VASH2: variants seen among roughly 807,000 people sequenced by gnomAD.
The protein encoded by VASH2 is vasohibin 2.
VASH2 carries 28 observed loss-of-function variants against 37.2 expected under a neutral mutation model. The observed-to-expected ratio is 0.75, with a 90% confidence interval of 0.56 to 1.03. The LOEUF is 1.03. Ranked by LOEUF, VASH2 falls within the 50% of genes least tolerant of loss-of-function variation. VASH2 has a pLI of 0.00. For missense variants in VASH2, 419 were observed against 459.1 expected (o/e 0.91, Z 0.80); for synonymous variants, 188 against 174.7 (o/e 1.08, Z -0.60).
intron 7 of VASH2, among the ~76,000 whole-genome samples, chr1:212,986,621 C>T (rs1289098242): frequency 6.6e-6 from 1 of 152,148 alleles, no homozygotes; most frequent in East Asian, 1.9e-4. Context: ...CATCTGGGGG[C>T]CACTCCTCCA....
chr1:212,967,035 G>C, intron 5 of VASH2: 1 of 1,194,390 alleles, frequency 8.4e-7, no homozygotes, highest in South Asian at 1.3e-5. Context: ...AGGAGCCATC[G>C]CGCCTGGCTC....
At position 212,951,959 on chromosome 1, in the gene VASH2, C is replaced by T; in HGVS notation, c.276+141C>T. ...ACTCCCTTCCTCTCCCCATTCCTTC[C>T]TGCCAGCCCTTTTCTAATTGAGATA... On this transcript the variant is annotated intron_variant, in intron 2 of 7. Coordinates refer to ENST00000517399, the MANE Select transcript of VASH2 (RefSeq NM_001301056.2). This position sits in a 1 kb window ranked among gnomAD's most constrained non-coding sequence, Gnocchi z 4.4. The T allele has an allele frequency of 9.5e-7, 1 of 1,050,000 alleles. No homozygotes were observed. Among genetic ancestry groups the T allele is most frequent in the South Asian group, 1.7e-5 (1 of 58,416 alleles). 65.0% of individuals were successfully genotyped at this position (1,050,000 alleles called of 1,614,324 possible).
chr1:212,951,485 CGCCGCCGCT>C lies in VASH2; in HGVS notation c.-49_-41del, dbSNP rs1183701428. ...CCCGCGCGCACACGCCCCCCGCCGC[CGCCGCCGCT>C]GCCGCCGCCGCGCGCCCCCAGTACC... On this transcript the variant is annotated 5_prime_UTR_variant, in exon 2 of 8. Coordinates refer to ENST00000517399, the MANE Select transcript of VASH2 (RefSeq NM_001301056.2). This position sits in a 1 kb window ranked among gnomAD's most constrained non-coding sequence, Gnocchi z 4.4. 4.3e-6 allele frequency: 5 copies of C among 1,152,680 alleles called. No individual in the cohort carries two copies. The highest frequency in any genetic ancestry group is 9.3e-5 in the Admixed American group (2 of 21,416). 71.4% of individuals were successfully genotyped at this position (1,152,680 alleles called of 1,614,324 possible).
Position 212,988,781 on chromosome 1 carries a change from A to G in VASH2, c.*197A>G, listed in dbSNP as rs928537936. 1.7e-6 allele frequency: 1 copy of G among 601,272 alleles called. No individual in the cohort carries two copies. The highest frequency in any genetic ancestry group is 2.8e-5 in the Admixed American group (1 of 36,028). 37.2% of individuals were successfully genotyped at this position (601,272 alleles called of 1,614,324 possible). On this transcript the variant is annotated 3_prime_UTR_variant, in exon 8 of 8. Transcript: ENST00000517399. Reference sequence around the variant, plus strand: ...CTAAAAGGCACCATGAAAAGGCTGAAGTAATAAGCCCCACTGGGGTTGGAC... The same window carrying G: ...CTAAAAGGCACCATGAAAAGGCTGAGGTAATAAGCCCCACTGGGGTTGGAC...
intron 7 of VASH2, among the ~76,000 whole-genome samples, chr1:212,979,668 C>T (rs970872671): frequency 3.9e-5 from 6 of 152,100 alleles, no homozygotes; most frequent in South Asian, 2.1e-4. Flanking sequence ...AAGAATCAGC[C>T]GAGGGGGAGG....
intron 7 of VASH2, among the ~76,000 whole-genome samples, chr1:212,981,845 T>C (rs1313630115): frequency 6.6e-6 from 1 of 152,228 alleles, no homozygotes; most frequent in African/African-American, 2.4e-5. Context: ...TACACCCCTA[T>C]GCATGTTCAG....
intron 7 of VASH2, among the ~76,000 whole-genome samples, chr1:212,978,764 G>T (rs1203747386): frequency 2.0e-5 from 3 of 152,180 alleles, no homozygotes; most frequent in Non-Finnish European, 4.4e-5. Flanking sequence ...ACAGAGCCCA[G>T]TTGGCTTGTA....
chr1:212,967,565 C>T (rs892431145), intron 5 of VASH2: 1 of 520,162 alleles, frequency 1.9e-6, no homozygotes, highest in Non-Finnish European at 2.7e-6. Context: ...CAGATGAAAG[C>T]TCTGAAGCAG....
chr1:212,975,654 ACT>A (rs768865452), intron 7 of VASH2, among the ~76,000 whole-genome samples: 7 of 152,242 alleles, frequency 4.6e-5, no homozygotes, highest in Non-Finnish European at 7.4e-5. Context: ...GAACATAGAA[ACT>A]CTTCCCAGAG....
chr1:212,974,137 A>C, intron 7 of VASH2, 67 bp downstream of exon 7: 2 of 1,498,110 alleles, frequency 1.3e-6, no homozygotes, highest in African/African-American at 2.8e-5. Context: ...GTCCTGGCCC[A>C]TGGGGACAAA....
chr1:212,956,287 C>T (rs1017399478), intron 2 of VASH2, among the ~76,000 whole-genome samples: 9 of 152,208 alleles, frequency 5.9e-5, no homozygotes, highest in African/African-American at 2.2e-4. Flanking sequence ...TGTTCTTTCT[C>T]TTGAACACCA....
intron 7 of VASH2, among the ~76,000 whole-genome samples, chr1:212,977,182 AG>A (rs1470378608): frequency 1.6e-5 from 1 of 61,152 alleles, no homozygotes; most frequent in African/African-American, 1.0e-4. Flanking sequence ...GAGCTGATGC[AG>A]GCCAGATTCC....
At chr1:212,983,678 A>G (rs1419755985) in intron 7 of VASH2, among the ~76,000 whole-genome samples, 3 of 152,202 alleles carry the variant, frequency 2.0e-5, no homozygotes, top group African/African-American at 7.2e-5. Flanking sequence ...GATGGTAGGG[A>G]GTCAGAAAAT....
intron 3 of VASH2, among the ~76,000 whole-genome samples, chr1:212,962,489 C>T (rs1014498902): frequency 2.6e-5 from 4 of 152,186 alleles, no homozygotes; most frequent in Non-Finnish European, 5.9e-5. Flanking sequence ...TGCACACATG[C>T]CCCACATGTC....
At chr1:212,981,102 C>T (rs1360520548) in intron 7 of VASH2, among the ~76,000 whole-genome samples, 1 of 152,198 alleles carries the variant, frequency 6.6e-6, no homozygotes, top group Non-Finnish European at 1.5e-5. Flanking sequence ...GGGTTCTTGT[C>T]CCGGAAAGGA....
intron 3 of VASH2, among the ~76,000 whole-genome samples, chr1:212,964,242 G>C (rs1220058045): frequency 1.3e-5 from 2 of 152,184 alleles, no homozygotes. Context: ...GGGGTTACGT[G>C]TGCTCGTGTC....
At chr1:212,983,645 A>T in intron 7 of VASH2, among the ~76,000 whole-genome samples, 1 of 152,228 alleles carries the variant, frequency 6.6e-6, no homozygotes, top group East Asian at 1.9e-4. Flanking sequence ...ATGCCAGAGC[A>T]TACAGAGCAA....
Position 212,971,518 on chromosome 1 carries a change from A to T in VASH2, c.498-1062A>T, listed in dbSNP as rs1667010044. On this transcript the variant is annotated intron_variant, in intron 5 of 7. Transcript: ENST00000517399. This position sits in a 1 kb window ranked among gnomAD's most constrained non-coding sequence, Gnocchi z 4.0. ...AAGTGTTTGTCACACTGACTTAAGCAGCTAAGGAATGCCCTTGTTCCAGCC... is the reference window on the plus strand; with the variant it reads ...AAGTGTTTGTCACACTGACTTAAGCTGCTAAGGAATGCCCTTGTTCCAGCC... Among the ~76,000 whole-genome samples, 1 of 152,232 alleles carries T rather than the reference A, an allele frequency of 6.6e-6. No individual in the cohort carries two copies. Among genetic ancestry groups the T allele is most frequent in the Non-Finnish European group, 1.5e-5 (1 of 68,042 alleles).
At position 212,966,203 on chromosome 1, in the gene VASH2, G is replaced by C. The variant is rs1419062022; in HGVS notation, c.423-68G>C. 22 of 1,383,112 alleles carry C rather than the reference G, an allele frequency of 1.6e-5. No individual in the cohort carries two copies. The South Asian group carries it at 2.6e-4, about 16-fold the overall frequency. 85.7% of individuals were successfully genotyped at this position (1,383,112 alleles called of 1,614,324 possible). On this transcript the variant is annotated intron_variant, in intron 4 of 7. Transcript: ENST00000517399. ...TGGTGTGGGGACAGGCATGCTGATG[G>C]ATTGACAGACTGACCGAGTGTGTAA...
Sources: gnomAD v4.1 joint callset for allele counts (sites outside exome capture counted in the v4.1 genomes callset) on GRCh38, gnomAD v4.1.1 for gene constraint, Gnocchi (gnomAD v3.1) non-coding constraint, MANE v1.5 for transcripts, NCBI Gene and HGNC (gene_info 2026-07-23, HGNC 2026-07-21) for gene names.